The following CD276 variants were observed in gnomAD, a reference collection of about 807,000 sequenced individuals.
CD276 encodes the protein CD276 antigen.
In CD276, 34 loss-of-function variants were observed where a neutral mutation model predicts 50.0. The observed-to-expected ratio is 0.68, with a 90% CI of 0.52 to 0.91. The LOEUF is 0.91. Ranked by LOEUF, CD276 falls within the 40% of genes least tolerant of loss-of-function variation. The probability of loss-of-function intolerance (pLI) is 0.00; values close to 1 mark genes in which losing one functional copy is unlikely to be tolerated. For missense variants in CD276, 634 were observed against 717.5 expected (o/e 0.88, Z 1.33); for synonymous variants, 275 against 313.0 (o/e 0.88, Z 1.28).
chr15:73,702,144 C>T, intron 2 of CD276, 111 bp from the exon 3 acceptor site: 1 of 852,062 alleles, frequency 1.2e-6, no homozygotes, highest in South Asian at 1.8e-5. Flanking sequence ...GGTCTCAGGC[C>T]TAAAAGGAGG....
At position 73,687,471 on chromosome 15, in the gene CD276, T is replaced by A. The variant is rs1407008060; in HGVS notation, c.-55+3011T>A. Reference sequence around the variant, plus strand: ...TTTTACCCCTCTTTCTGGAGCCCGGTAAGATGTGCCAAGGGTCTCCTTAGT... The same window carrying A: ...TTTTACCCCTCTTTCTGGAGCCCGGAAAGATGTGCCAAGGGTCTCCTTAGT... On this transcript the variant is annotated intron_variant, in intron 1 of 9. Coordinates refer to ENST00000318443, the MANE Select transcript of CD276 (RefSeq NM_001024736.2). The surrounding 1 kb of genome is among the most constrained non-coding windows in gnomAD (Gnocchi z 4.0). Among the ~76,000 whole-genome samples the A allele has an allele frequency of 6.6e-6, 1 of 152,086 alleles. No homozygotes were observed. Among genetic ancestry groups the A allele is most frequent in the Non-Finnish European group, 1.5e-5 (1 of 68,006 alleles).
chr15:73,695,201 C>T (rs1253886943), intron 1 of CD276, among the ~76,000 whole-genome samples: 1 of 152,162 alleles, frequency 6.6e-6, no homozygotes, highest in Non-Finnish European at 1.5e-5. Flanking sequence ...TAGGTAGGAA[C>T]ACTGAGCTCA....
At chr15:73,694,549 T>C (rs1431370652) in intron 1 of CD276, among the ~76,000 whole-genome samples, 2 of 152,206 alleles carry the variant, frequency 1.3e-5, no homozygotes, top group African/African-American at 4.8e-5. Context: ...CATGTGACCA[T>C]CTGGGTATAT....
At chr15:73,705,202 C>T (rs1054757365) in intron 6 of CD276, among the ~76,000 whole-genome samples, 18 of 152,340 alleles carry the variant, frequency 1.2e-4, no homozygotes, top group Middle Eastern at 3.4e-3. Context: ...CAGTATCTCT[C>T]CCTGGCCAAC....
At chr15:73,705,405 C>A (rs1218967977) in intron 6 of CD276, among the ~76,000 whole-genome samples, 1 of 152,114 alleles carries the variant, frequency 6.6e-6, no homozygotes, top group Non-Finnish European at 1.5e-5. Flanking sequence ...CTCTTGAGAC[C>A]TATGTGGTCC....
intron 9 of CD276, among the ~76,000 whole-genome samples, chr15:73,712,451 G>A (rs189173684): frequency 9.2e-5 from 14 of 152,334 alleles, no homozygotes; most frequent in Admixed American, 2.0e-4. Flanking sequence ...TGAAAGATGA[G>A]TCTTTGGGAT....
At chr15:73,703,623 C>T in intron 4 of CD276, 36 bp from the exon 5 acceptor site, 1 of 1,530,000 alleles carries the variant, frequency 6.5e-7, no homozygotes, top group Non-Finnish European at 8.9e-7. Context: ...AGTCCCATTT[C>T]TCCTCACCAC....
Position 73,714,340 on chromosome 15 carries a change from G to A in CD276, c.*1384G>A, listed in dbSNP as rs533744643. On this transcript the variant is annotated 3_prime_UTR_variant, in exon 10 of 10. Coordinates refer to ENST00000318443, the MANE Select transcript of CD276 (RefSeq NM_001024736.2). ...GGCAGTCTTTTCCTGGCTTGCCTCT[G>A]GCCAGCTCCTGGCCTCTGGTAGAGT... 4 of 156,106 alleles carry A rather than the reference G, an allele frequency of 2.6e-5. No homozygotes were observed. Among genetic ancestry groups the A allele is most frequent in the African/African-American group, 9.6e-5 (4 of 41,590 alleles). 9.7% of individuals were successfully genotyped at this position (156,106 alleles called of 1,614,324 possible). A position where few individuals can be genotyped will look rare whatever the true frequency, so the allele number is the denominator to read the frequency against.
At position 73,711,122 on chromosome 15, in the gene CD276, C is replaced by T; in HGVS notation, c.1547-13C>T. ...GTTCCTCCCTCACCGTGTGCGCCTT[C>T]CTTTTTTTACAGCCCTGCAGCCTCT... On this transcript the variant is annotated splice_polypyrimidine_tract_variant and intron_variant, in intron 8 of 9. Transcript: ENST00000318443. The T allele has an allele frequency of 6.2e-7, 1 of 1,614,014 alleles. No homozygotes were observed. The highest frequency in any genetic ancestry group is 8.5e-7 in the Non-Finnish European group (1 of 1,180,014).
In CD276 at chr15:73,713,160, T is replaced by A; in HGVS notation, c.*204T>A. ...CCAAGTCATCCTGCTGCCTTTTTTC[T>A]TATAGACACAATGAACAGACCACCC... On this transcript the variant is annotated 3_prime_UTR_variant, in exon 10 of 10. Transcript: ENST00000318443. The A allele has an allele frequency of 1.8e-6, 1 of 555,626 alleles. No homozygotes were observed. The highest frequency in any genetic ancestry group is 3.2e-6 in the Non-Finnish European group (1 of 315,256). 34.4% of individuals were successfully genotyped at this position (555,626 alleles called of 1,614,324 possible).
chr15:73,701,890 C>T (rs915802140), intron 2 of CD276, among the ~76,000 whole-genome samples: 2 of 152,186 alleles, frequency 1.3e-5, no homozygotes, highest in African/African-American at 4.8e-5. Context: ...AAAGTACCTG[C>T]CAGATTTTTG....
chr15:73,694,346 C>T (rs754358420), intron 1 of CD276, among the ~76,000 whole-genome samples: 12 of 152,102 alleles, frequency 7.9e-5, no homozygotes, highest in Non-Finnish European at 1.3e-4. Context: ...GTCTCCTGTT[C>T]GTATTTTGAG....
intron 6 of CD276, among the ~76,000 whole-genome samples, chr15:73,705,475 ACTC>A (rs1567021710): frequency 1.3e-5 from 2 of 151,388 alleles, no homozygotes; most frequent in African/African-American, 2.4e-5. Context: ...GTTCAGGCTC[ACTC>A]CTCCTTCTCT....
intron 1 of CD276, chr15:73,686,157 G>A: frequency 4.7e-6 from 1 of 214,254 alleles, no homozygotes; most frequent in Non-Finnish European, 8.0e-6. Context: ...CCTGCATTAA[G>A]TGGCCTCAGT....
At chr15:73,703,590 G>C (rs1900504556) in intron 4 of CD276, 69 bp from the exon 5 acceptor site, 1 of 1,243,736 alleles carries the variant, frequency 8.0e-7, no homozygotes, top group African/African-American at 1.5e-5. Context: ...AAGAGTTTGG[G>C]GGACTCGGGT....
At chr15:73,686,130 C>T (rs907815063) in intron 1 of CD276, among the ~76,000 whole-genome samples, 1 of 152,086 alleles carries the variant, frequency 6.6e-6, no homozygotes, top group African/African-American at 2.4e-5. Context: ...GGGACGCTGG[C>T]GGGAGAGAGC....
intron 7 of CD276, among the ~76,000 whole-genome samples, chr15:73,709,089 T>C (rs913151559): frequency 3.3e-5 from 5 of 151,924 alleles, no homozygotes; most frequent in Non-Finnish European, 5.9e-5. Flanking sequence ...GAGTGGTCAG[T>C]TGGCAGATAG....
intron 3 of CD276, 82 bp from the exon 4 acceptor site, chr15:73,702,690 T>G (rs1900452154): frequency 1.3e-6 from 2 of 1,558,296 alleles, no homozygotes; most frequent in South Asian, 2.4e-5. Flanking sequence ...ACCCCAGTGC[T>G]GATTCCTGTA....
chr15:73,703,327 C>A (rs1900494513), intron 4 of CD276, among the ~76,000 whole-genome samples: 1 of 152,090 alleles, frequency 6.6e-6, no homozygotes, highest in Admixed American at 6.5e-5. Context: ...AAGAATGGAG[C>A]CACATCTGGG....
Sources: gnomAD v4.1 joint callset for allele counts (sites outside exome capture counted in the v4.1 genomes callset) on GRCh38, gnomAD v4.1.1 for gene constraint, Gnocchi (gnomAD v3.1) non-coding constraint, MANE v1.5 for transcripts, NCBI Gene and HGNC (gene_info 2026-07-23, HGNC 2026-07-21) for gene names.